Variants in PRKD1 observed in about 807,000 individuals in gnomAD.
The protein encoded by PRKD1 is serine/threonine-protein kinase D1.
A neutral mutation model predicts 95.9 loss-of-function variants in PRKD1; 63 were observed. The observed-to-expected ratio is 0.66, with a 90% CI of 0.54 to 0.81. The LOEUF (loss-of-function observed/expected upper bound fraction) is 0.81. Ranked by LOEUF, PRKD1 falls within the 30% of genes least tolerant of loss-of-function variation. PRKD1 has a pLI of 0.00. For synonymous variants in PRKD1, 425 were observed against 423.1 expected (o/e 1.00, Z -0.05); for missense variants, 1,048 against 1,165.3 (o/e 0.90, Z 1.47).
chr14:29,817,619 A>AT (rs1890744238), intron 1 of PRKD1, among the ~76,000 whole-genome samples: 1 of 152,104 alleles, frequency 6.6e-6, no homozygotes. Flanking sequence ...TGTAATCTCC[A>AT]TTTTACAGAC....
intron 1 of PRKD1, among the ~76,000 whole-genome samples, chr14:29,750,615 C>T (rs1003095972): frequency 1.0e-4 from 15 of 143,346 alleles, no homozygotes; most frequent in Admixed American, 2.7e-4. Context: ...CATGAACGCG[C>T]GCACACACAC....
At chr14:29,595,132 T>C (rs1893255032) in intron 16 of PRKD1, among the ~76,000 whole-genome samples, 3 of 152,172 alleles carry the variant, frequency 2.0e-5, no homozygotes, top group Admixed American at 1.3e-4. Context: ...CTGGTCTCCA[T>C]ATCACTTCAT....
At chr14:29,628,940 A>G (rs1437870341) in intron 11 of PRKD1, 101 bp downstream of exon 11, 2 of 856,146 alleles carry the variant, frequency 2.3e-6, no homozygotes, top group African/African-American at 1.8e-5. Flanking sequence ...GCTTTCCAAA[A>G]TTTACTAAAA....
chr14:29,657,276 T>G lies in PRKD1; in HGVS notation c.696+6423A>C, dbSNP rs997461694. On this transcript the variant is annotated intron_variant, in intron 4 of 17. Transcript: ENST00000331968. ...GGTAATTTATATTGAATATGTTCTT[T>G]TTCATCTCTGTTCTCTCAAGCTTTT... 5 of 152,216 alleles carry G rather than the reference T, an allele frequency of 3.3e-5. No individual in the cohort carries two copies. In the East Asian group the frequency reaches 9.6e-4, roughly 29 times the overall value. The allele number at this position is 152,216 out of a possible 1,614,324, so 9.4% of individuals were successfully genotyped here.
In PRKD1 at chr14:29,682,897, A is replaced by G. The variant is rs1289369716; in HGVS notation, c.404-16689T>C. On this transcript the variant is annotated intron_variant, in intron 2 of 17. Transcript: ENST00000331968. ...TGCAAAGGGCAGTTGAAGGAGTGTC[A>G]GTCATTCAGTTTGGCTGGTTAACAG... Among the ~76,000 whole-genome samples, 4 of 152,210 alleles carry G rather than the reference A, an allele frequency of 2.6e-5. No homozygotes were observed. The East Asian group carries it at 7.7e-4, about 29-fold the overall frequency.
At chr14:29,779,531 T>C (rs1888942272) in intron 1 of PRKD1, among the ~76,000 whole-genome samples, 1 of 152,102 alleles carries the variant, frequency 6.6e-6, no homozygotes, top group Non-Finnish European at 1.5e-5. Flanking sequence ...TGAACTCCCA[T>C]TCACAATTGC....
rs28616591 is a variant in PRKD1 at position 29,681,020 on chromosome 14, C to T, written c.404-14812G>A. 2.1e-3 allele frequency among the ~76,000 whole-genome samples: 316 copies of T among 152,170 alleles called. 2 individuals are homozygous for T. Among genetic ancestry groups the T allele is most frequent in the African/African-American group, 7.0e-3 (290 of 41,518 alleles). ...TTTACCATCTGGTTAGTTACAGACG[C>T]TTGTAAAAGGGAGCGAAGGAGCAGA... On this transcript the variant is annotated intron_variant, in intron 2 of 17. Coordinates refer to ENST00000331968, the MANE Select transcript of PRKD1 (RefSeq NM_002742.3).
chr14:29,670,577 G>T (rs1298226313), intron 2 of PRKD1, among the ~76,000 whole-genome samples: 1 of 152,180 alleles, frequency 6.6e-6, no homozygotes, highest in Non-Finnish European at 1.5e-5. Flanking sequence ...CAGCAAGAAT[G>T]ACTACAAATT....
At chr14:29,820,318 A>G (rs140763912) in intron 1 of PRKD1, among the ~76,000 whole-genome samples, 77 of 152,376 alleles carry the variant, frequency 5.1e-4, no homozygotes, top group African/African-American at 1.7e-3. Flanking sequence ...AAAGGAACTC[A>G]CAGGCTAAGC....
At chr14:29,807,338 T>C (rs1036089837) in intron 1 of PRKD1, among the ~76,000 whole-genome samples, 2 of 152,068 alleles carry the variant, frequency 1.3e-5, no homozygotes, top group Admixed American at 1.3e-4. Context: ...TTGATGGCTG[T>C]TGATTGATCA....
At chr14:29,902,828 T>C (rs1894363272) in intron 1 of PRKD1, among the ~76,000 whole-genome samples, 1 of 52,056 alleles carries the variant, frequency 1.9e-5, no homozygotes, top group African/African-American at 7.9e-5. Flanking sequence ...CATAAGAAAT[T>C]TAGAAAAGGA....
chr14:29,914,739 AAAT>A (rs1894832738), intron 1 of PRKD1, among the ~76,000 whole-genome samples: 1 of 152,090 alleles, frequency 6.6e-6, no homozygotes, highest in African/African-American at 2.4e-5. Context: ...CTAAATAAAT[AAAT>A]AAGAAAAGCA....
At chr14:29,757,778 T>C (rs1887777271) in intron 1 of PRKD1, among the ~76,000 whole-genome samples, 2 of 151,716 alleles carry the variant, frequency 1.3e-5, no homozygotes, top group African/African-American at 2.4e-5. Context: ...GGAGTGAGAA[T>C]GGAGACAGGG....
chr14:29,673,438 A>T (rs180888863), intron 2 of PRKD1, among the ~76,000 whole-genome samples: 249 of 152,302 alleles, frequency 1.6e-3, no homozygotes, highest in Admixed American at 4.2e-3. Context: ...CACCTGATCC[A>T]CACCTCAGCT....
intron 16 of PRKD1, chr14:29,591,291 T>G (rs777154666): frequency 1.8e-4 from 27 of 152,136 alleles, no homozygotes; most frequent in Non-Finnish European, 3.2e-4. Flanking sequence ...ATTGTATATC[T>G]GATAAAGAAG....
intron 1 of PRKD1, among the ~76,000 whole-genome samples, chr14:29,735,790 T>C (rs1276801201): frequency 2.0e-5 from 3 of 152,222 alleles, no homozygotes; most frequent in African/African-American, 7.2e-5. Flanking sequence ...TTTTGTGTGA[T>C]GCCTCTTTGT....
At chr14:29,921,700 C>A (rs1895114815) in intron 1 of PRKD1, among the ~76,000 whole-genome samples, 1 of 152,050 alleles carries the variant, frequency 6.6e-6, no homozygotes, top group South Asian at 2.1e-4. Context: ...ATAAATCTCC[C>A]ATAAAAGCTA....
At chr14:29,915,275 G>A (rs1894853286) in intron 1 of PRKD1, among the ~76,000 whole-genome samples, 1 of 152,088 alleles carries the variant, frequency 6.6e-6, no homozygotes, top group Non-Finnish European at 1.5e-5. Flanking sequence ...GAAGACAGTG[G>A]CATCTGAAAA....
chr14:29,602,346 G>A (rs1893551560), intron 13 of PRKD1, among the ~76,000 whole-genome samples: 1 of 152,038 alleles, frequency 6.6e-6, no homozygotes, highest in Non-Finnish European at 1.5e-5. Flanking sequence ...GAGAAGAGGG[G>A]AGAGACGCAA....
Sources: allele counts gnomAD v4.1 joint callset (sites outside exome capture counted in the v4.1 genomes callset), GRCh38; gene constraint gnomAD v4.1.1; transcripts MANE v1.5; gene names NCBI Gene and HGNC (gene_info 2026-07-23, HGNC 2026-07-21).